CCDC171: variants seen among roughly 807,000 people sequenced by gnomAD.
CCDC171 encodes coiled-coil domain containing 171.
CCDC171 carries 177 observed loss-of-function variants against 168.2 expected under a neutral mutation model. The observed-to-expected ratio is 1.05, with a 90% confidence interval of 0.93 to 1.19. The LOEUF (loss-of-function observed/expected upper bound fraction) is 1.19, where lower values mean the gene tolerates loss of function less well. CCDC171 is among the 50% of genes most tolerant of loss of function. The probability of loss-of-function intolerance (pLI) is 0.00; values close to 1 mark genes in which losing one functional copy is unlikely to be tolerated. For missense variants in CCDC171, 1,991 were observed against 1,539.0 expected (o/e 1.29, Z -4.91); for synonymous variants, 687 against 540.8 (o/e 1.27, Z -3.75).
At chr9:15,831,101 C>T (rs948752663) in intron 21 of CCDC171, among the ~76,000 whole-genome samples, 5 of 151,594 alleles carry the variant, frequency 3.3e-5, no homozygotes, top group African/African-American at 1.2e-4. Context: ...TCCTGAATAG[C>T]TGGGACTACA....
rs148086864 is a variant in CCDC171 at position 15,704,392 on chromosome 9, C to T, written c.1318+9055C>T. ...ATAAGTAAATAATTAATTCTGTTAT[C>T]TTGGGAAGAATTTTCCAGAGATCTT... On this transcript the variant is annotated intron_variant, in intron 11 of 25. Coordinates refer to ENST00000380701, the MANE Select transcript of CCDC171 (RefSeq NM_173550.4). Among the ~76,000 whole-genome samples, 18 of 152,226 alleles carry T rather than the reference C, an allele frequency of 1.2e-4. 1 individual carries two copies. Among genetic ancestry groups the T allele is most frequent in the African/African-American group, 3.9e-4 (16 of 41,534 alleles).
chr9:15,711,265 T>C lies in CCDC171; in HGVS notation c.1319-10504T>C, dbSNP rs1208645739. On this transcript the variant is annotated intron_variant, in intron 11 of 25. Coordinates refer to ENST00000380701, the MANE Select transcript of CCDC171 (RefSeq NM_173550.4). ...ACAGAATTGAAGGCTTGATTAAGGC[T>C]TGGCCTCTGATTTTCTTTAAAATTG... Among the ~76,000 whole-genome samples, 3 of 152,228 alleles carry C rather than the reference T, an allele frequency of 2.0e-5. No individual in the cohort carries two copies. In the East Asian group the frequency reaches 5.8e-4, roughly 29 times the overall value.
chr9:15,971,455 A>G (rs1831346681), intron 25 of CCDC171, among the ~76,000 whole-genome samples, 154 bp from the exon 26 acceptor site: 1 of 152,222 alleles, frequency 6.6e-6, no homozygotes, highest in Admixed American at 6.5e-5. Flanking sequence ...ATAATTTACT[A>G]TTTATATATT....
At chr9:15,998,462 T>A (rs1424147419) in intron 3 of CCDC171, among the ~76,000 whole-genome samples, 1 of 152,134 alleles carries the variant, frequency 6.6e-6, no homozygotes, top group Non-Finnish European at 1.5e-5. Flanking sequence ...AGCCCCCAGA[T>A]AGTGATGTGT....
chr9:15,848,905 T>C lies in CCDC171; in HGVS notation c.3426T>C (p.Cys1142=). Residue 1142 remains cysteine, a synonymous_variant, in exon 23 of 26, where the codon TGT becomes TGC. Coordinates refer to ENST00000380701, the MANE Select transcript of CCDC171 (RefSeq NM_173550.4). Reference sequence around the variant, plus strand: ...TTATTTTTTCTAGAGACAAAGAATGTGTTGCTAATCACATGAGAGCAGTAG... The same window carrying C: ...TTATTTTTTCTAGAGACAAAGAATGCGTTGCTAATCACATGAGAGCAGTAG... ...ALRMAAKDKE[C]VANHMRAVEN... 6.4e-7 allele frequency: 1 copy of C among 1,565,424 alleles called. No homozygotes were observed. The highest frequency in any genetic ancestry group is 8.7e-7 in the Non-Finnish European group (1 of 1,151,402).
intron 3 of CCDC171, among the ~76,000 whole-genome samples, chr9:16,009,107 T>C (rs1314976044): frequency 1.3e-5 from 2 of 152,142 alleles, no homozygotes; most frequent in Non-Finnish European, 2.9e-5. Flanking sequence ...CAAGGATGCT[T>C]TCTCTATTAT....
chr9:15,853,634 A>G (rs1188915433), intron 23 of CCDC171, among the ~76,000 whole-genome samples: 1 of 151,548 alleles, frequency 6.6e-6, no homozygotes, highest in Admixed American at 6.6e-5. Flanking sequence ...TATGGTGTTG[A>G]ATAGACATGT....
intron 6 of CCDC171, among the ~76,000 whole-genome samples, chr9:16,023,786 G>A (rs1285055558): frequency 6.6e-6 from 1 of 152,010 alleles, no homozygotes; most frequent in Non-Finnish European, 1.5e-5. Flanking sequence ...CACTGTCACA[G>A]CTGAGGTTTT....
intron 7 of CCDC171, among the ~76,000 whole-genome samples, chr9:15,640,839 C>G (rs2046550917): frequency 6.6e-6 from 1 of 152,106 alleles, no homozygotes; most frequent in African/African-American, 2.4e-5. Context: ...CTCTGACCCT[C>G]TGAGGCATCT....
intron 18 of CCDC171, 81 bp downstream of exon 18, chr9:15,745,712 A>G: frequency 1.3e-6 from 1 of 758,318 alleles, no homozygotes. Context: ...AAATTCTAAT[A>G]AAACATATAG....
chr9:15,842,214 T>C (rs2060708754), intron 21 of CCDC171, among the ~76,000 whole-genome samples: 2 of 152,014 alleles, frequency 1.3e-5, no homozygotes, highest in African/African-American at 2.4e-5. Context: ...TCCATAGATA[T>C]TTCCCATTAG....
intron 25 of CCDC171, among the ~76,000 whole-genome samples, chr9:15,937,592 A>G (rs998821684): frequency 2.0e-5 from 3 of 151,980 alleles, no homozygotes; most frequent in Admixed American, 2.0e-4. Flanking sequence ...TAAAGTAGAC[A>G]TTATTTTAAA....
chr9:15,616,687 G>A (rs1023778577), intron 6 of CCDC171, among the ~76,000 whole-genome samples: 4 of 152,050 alleles, frequency 2.6e-5, no homozygotes, highest in African/African-American at 7.2e-5. Context: ...TAATACTGGG[G>A]CTATTGAGTG....
chr9:15,761,820 C>T (rs575521894), intron 18 of CCDC171, among the ~76,000 whole-genome samples: 1 of 152,212 alleles, frequency 6.6e-6, no homozygotes, highest in African/African-American at 2.4e-5. Flanking sequence ...TATATTATCA[C>T]TTTCACATTT....
In CCDC171 at chr9:15,615,801, CAG is replaced by C. The variant is rs796884626; in HGVS notation, c.676-7465_676-7464del. On this transcript the variant is annotated intron_variant, in intron 6 of 25. Transcript: ENST00000380701. ...GATTTTTTTTTTTTTTTTCTTCAGA[CAG>C]GGTCTCACTCTGTCACCCAGGCTGG... Among the ~76,000 whole-genome samples the C allele has an allele frequency of 8.3e-4, 122 of 146,234 alleles. 1 individual carries two copies. The highest frequency in any genetic ancestry group is 2.8e-3 in the African/African-American group (112 of 39,462).
chr9:16,035,882 A>T (rs1307366095), intron 7 of CCDC171, among the ~76,000 whole-genome samples: 6 of 152,252 alleles, frequency 3.9e-5, no homozygotes, highest in Admixed American at 3.9e-4. Context: ...GCTATGCAGA[A>T]ACAGGCTCAC....
intron 9 of CCDC171, among the ~76,000 whole-genome samples, chr9:15,677,946 G>T (rs1348389627): frequency 9.9e-6 from 1 of 101,128 alleles, no homozygotes; most frequent in Non-Finnish European, 1.9e-5. Context: ...GTCTCATTCT[G>T]TTACCTAGAC....
chr9:15,641,622 G>T (rs2046612627), intron 7 of CCDC171, among the ~76,000 whole-genome samples: 1 of 152,090 alleles, frequency 6.6e-6, no homozygotes. Flanking sequence ...GTATCAAAGG[G>T]TTGGATAGGA....
intron 6 of CCDC171, among the ~76,000 whole-genome samples, chr9:16,024,970 C>T (rs1833246367): frequency 1.3e-5 from 2 of 152,182 alleles, no homozygotes. Context: ...TGGGACTTTC[C>T]ATTTTAAAAC....
Sources: allele counts gnomAD v4.1 joint callset (sites outside exome capture counted in the v4.1 genomes callset), GRCh38; gene constraint gnomAD v4.1.1; transcripts MANE v1.5; gene names NCBI Gene and HGNC (gene_info 2026-07-23, HGNC 2026-07-21).